Variants in AGPAT5 observed in about 807,000 individuals in gnomAD.
AGPAT5 encodes the protein 1-acylglycerol-3-phosphate O-acyltransferase 5, also known as 1-acyl-sn-glycerol-3-phosphate acyltransferase epsilon.
AGPAT5 carries 46 observed loss-of-function variants against 45.6 expected under a neutral mutation model. The ratio of observed to expected loss-of-function variants is 1.01; its 90% CI spans 0.80 to 1.29. The LOEUF (loss-of-function observed/expected upper bound fraction) is 1.29. Among genes scored for constraint, AGPAT5 ranks in the 50% most tolerant of loss-of-function variants. The pLI is 0.00. For missense variants in AGPAT5, 673 were observed against 450.7 expected (o/e 1.49, Z -4.47); for synonymous variants, 272 against 167.0 (o/e 1.63, Z -4.85).
At chr8:6,731,059 G>A (rs1587025609) in intron 3 of AGPAT5, among the ~76,000 whole-genome samples, 1 of 151,906 alleles carries the variant, frequency 6.6e-6, no homozygotes, top group Non-Finnish European at 1.5e-5. Flanking sequence ...TGTAGAGATG[G>A]GGGTCTCGCT....
chr8:6,754,966 C>G (rs770668527), intron 6 of AGPAT5, 85 bp from the exon 7 acceptor site: 19 of 1,121,756 alleles, frequency 1.7e-5, no homozygotes, highest in Non-Finnish European at 2.3e-5. Context: ...CTTTTTTTGT[C>G]CTGTTACCTT....
chr8:6,752,198 A>G (rs1228129856), intron 6 of AGPAT5, among the ~76,000 whole-genome samples: 1 of 152,174 alleles, frequency 6.6e-6, no homozygotes, highest in Non-Finnish European at 1.5e-5. Context: ...ATCAGGGAAG[A>G]GGGGATTACA....
rs73661473 is a variant in AGPAT5, at chr8:6,759,844, T to C, written c.*2456T>C. Among the ~76,000 whole-genome samples, 5,440 of 152,296 alleles carry C rather than the reference T, an allele frequency of 0.036. 314 individuals are homozygous for C. The highest frequency in any genetic ancestry group is 0.12 in the African/African-American group (5,187 of 41,524). On this transcript the variant is annotated 3_prime_UTR_variant, in exon 8 of 8. Coordinates refer to ENST00000285518, the MANE Select transcript of AGPAT5 (RefSeq NM_018361.5). ...GTTAAGCAGTATATTAGTTTGGTTA[T>C]ATAAATTCATCTGCAATTTATAAGA...
intron 4 of AGPAT5, 65 bp downstream of exon 4, chr8:6,732,715 A>T: frequency 7.8e-7 from 1 of 1,288,268 alleles, no homozygotes; most frequent in Non-Finnish European, 1.1e-6. Context: ...GAATTAAATT[A>T]AAATCTAAGA....
intron 1 of AGPAT5, among the ~76,000 whole-genome samples, chr8:6,723,855 A>G (rs1330110117): frequency 6.6e-6 from 1 of 152,182 alleles, no homozygotes; most frequent in Non-Finnish European, 1.5e-5. Context: ...TTCTCTTTTT[A>G]AGATATTAAT....
At chr8:6,732,039 TCCC>T (rs1206378199) in intron 3 of AGPAT5, among the ~76,000 whole-genome samples, 7 of 152,172 alleles carry the variant, frequency 4.6e-5, no homozygotes, top group African/African-American at 1.4e-4. Context: ...CACCTCTAAG[TCCC>T]TCTCTCTGAA....
In AGPAT5 at chr8:6,755,141, G is replaced by A. The variant is rs771547871; in HGVS notation, c.836G>A (p.Arg279Lys). The stretch of plus-strand genomic sequence containing the variant: ...CCAGAAGAACAAGAACATATGAGAA[G>A]ATGGCTGCATGAACGTTTCGAAATC... The part of the protein sequence containing the change: ...DVPEEQEHMR[R>K]WLHERFEIKD... The change falls in exon 7 of 8, where the codon AGA becomes AAA. Residue 279 changes from arginine to lysine, a missense_variant. By Grantham distance (26) the Arg-to-Lys change is conservative. Coordinates refer to ENST00000285518, the MANE Select transcript of AGPAT5 (RefSeq NM_018361.5). 3 of 1,607,796 alleles carry A rather than the reference G, an allele frequency of 1.9e-6. No individual in the cohort carries two copies. Among genetic ancestry groups the A allele is most frequent in the East Asian group, 2.2e-5 (1 of 44,664 alleles).
Position 6,720,229 on chromosome 8 carries a change from C to T in AGPAT5, c.220-4641C>T, listed in dbSNP as rs573237213. On this transcript the variant is annotated intron_variant, in intron 1 of 7. Coordinates refer to ENST00000285518, the MANE Select transcript of AGPAT5 (RefSeq NM_018361.5). Reference sequence around the variant, plus strand: ...GCTAACCGAGGGCTTATCGCTGGAACATTCTGGACACAATTTGATCAACTT... The same window carrying T: ...GCTAACCGAGGGCTTATCGCTGGAATATTCTGGACACAATTTGATCAACTT... Among the ~76,000 whole-genome samples, 3 of 147,416 alleles carry T rather than the reference C, an allele frequency of 2.0e-5. No individual in the cohort carries two copies. In the Admixed American group the frequency reaches 2.1e-4, roughly 10 times the overall value.
At chr8:6,741,554 ACTGTAGGAAATACTCTG>A (rs1801245645) in intron 4 of AGPAT5, 90 bp from the exon 5 acceptor site, 2 of 682,706 alleles carry the variant, frequency 2.9e-6, no homozygotes, top group Non-Finnish European at 4.9e-6. Context: ...ATTTTCTCCT[ACTGTAGGAAATACTCTG>A]TTAGCATTAG....
At chr8:6,741,393 C>T (rs1801240692) in intron 4 of AGPAT5, among the ~76,000 whole-genome samples, 1 of 152,086 alleles carries the variant, frequency 6.6e-6, no homozygotes, top group Admixed American at 6.6e-5. Flanking sequence ...GAATTATTAG[C>T]ATATAATTAG....
At chr8:6,738,129 G>A (rs139267067) in intron 4 of AGPAT5, among the ~76,000 whole-genome samples, 4 of 152,280 alleles carry the variant, frequency 2.6e-5, no homozygotes, top group South Asian at 2.1e-4. Flanking sequence ...CTTTGCATCC[G>A]CAACTTGGCT....
At chr8:6,732,488 T>G in intron 3 of AGPAT5, 73 bp from the exon 4 acceptor site, 1 of 1,168,092 alleles carries the variant, frequency 8.6e-7, no homozygotes, top group Non-Finnish European at 1.2e-6. Flanking sequence ...GCAAGAGAAG[T>G]TGCCTTTTTG....
intron 6 of AGPAT5, among the ~76,000 whole-genome samples, chr8:6,754,676 G>T (rs887865222): frequency 6.6e-6 from 1 of 152,168 alleles, no homozygotes; most frequent in Admixed American, 6.5e-5. Context: ...GGCTGGTGGT[G>T]GTAGGCATTT....
At chr8:6,741,261 A>G (rs1318623963) in intron 4 of AGPAT5, among the ~76,000 whole-genome samples, 1 of 152,116 alleles carries the variant, frequency 6.6e-6, no homozygotes, top group Non-Finnish European at 1.5e-5. Context: ...TAGTGTTGGT[A>G]CTTAACGATA....
At chr8:6,718,889 A>G (rs1800414606) in intron 1 of AGPAT5, among the ~76,000 whole-genome samples, 1 of 152,208 alleles carries the variant, frequency 6.6e-6, no homozygotes. Flanking sequence ...AGCAGCAGTT[A>G]ATTACCTAAA....
chr8:6,732,479 C>T, intron 3 of AGPAT5, 82 bp from the exon 4 acceptor site: 5 of 1,000,758 alleles, frequency 5.0e-6, no homozygotes, highest in Non-Finnish European at 7.2e-6. Flanking sequence ...GTACTTTTTG[C>T]AAGAGAAGTT....
intron 1 of AGPAT5, among the ~76,000 whole-genome samples, chr8:6,717,060 C>G (rs970861255): frequency 6.6e-6 from 1 of 152,150 alleles, no homozygotes; most frequent in Non-Finnish European, 1.5e-5. Context: ...TGACTCCACC[C>G]TCAAGAGTAA....
chr8:6,733,902 C>T (rs2980680), intron 4 of AGPAT5, among the ~76,000 whole-genome samples: 113,693 of 152,036 alleles, frequency 0.75, 43,770 homozygotes, highest in African/African-American at 0.93. Context: ...TGCACAGTGG[C>T]CCCTTGCTTT....
intron 3 of AGPAT5, 28 bp from the exon 4 acceptor site, chr8:6,732,533 G>A (rs1426642212): frequency 1.3e-6 from 2 of 1,559,138 alleles, no homozygotes; most frequent in Non-Finnish European, 8.7e-7. Context: ...AAAAGTAAAT[G>A]CTCTTTCTCC....
Sources: allele counts gnomAD v4.1 joint callset (sites outside exome capture counted in the v4.1 genomes callset), GRCh38; gene constraint gnomAD v4.1.1; transcripts MANE v1.5; gene names NCBI Gene and HGNC (gene_info 2026-07-23, HGNC 2026-07-21).